C16orf78: variants seen among roughly 807,000 people sequenced by gnomAD.
The protein encoded by C16orf78 is chromosome 16 open reading frame 78, also known as uncharacterized protein C16orf78.
A neutral mutation model predicts 27.3 loss-of-function variants in C16orf78; 19 were observed. The observed-to-expected ratio is 0.70, with a 90% CI of 0.49 to 1.02. C16orf78 has a LOEUF of 1.02. Among genes scored for constraint, C16orf78 ranks in the 50% least tolerant of loss-of-function variants. C16orf78 has a pLI of 0.00. For missense variants in C16orf78, 339 were observed against 337.0 expected, an observed-to-expected ratio of 1.01 and a Z score of -0.05; for synonymous variants, 130 against 116.1, an observed-to-expected ratio of 1.12 and a Z score of -0.77.
chr16:49,375,650 T>C (rs1242833220), intron 1 of C16orf78, among the ~76,000 whole-genome samples: 3 of 152,140 alleles, frequency 2.0e-5, no homozygotes, highest in Non-Finnish European at 4.4e-5. Flanking sequence ...GACATGAGAT[T>C]TGGGGAGAGA....
At chr16:49,384,068 G>C (rs1596924113) in intron 3 of C16orf78, among the ~76,000 whole-genome samples, 1 of 152,070 alleles carries the variant, frequency 6.6e-6, no homozygotes, top group Non-Finnish European at 1.5e-5. Flanking sequence ...GCCAAAAAAG[G>C]CCAGGCACGG....
intron 2 of C16orf78, 142 bp from the exon 3 acceptor site, chr16:49,378,328 C>G: frequency 1.6e-6 from 2 of 1,276,092 alleles, no homozygotes; most frequent in Non-Finnish European, 2.1e-6. Flanking sequence ...CGACCTCTCC[C>G]AGGGCCCGGG....
chr16:49,385,364 G>A (rs1452808802), intron 3 of C16orf78, among the ~76,000 whole-genome samples: 2 of 152,126 alleles, frequency 1.3e-5, no homozygotes, highest in African/African-American at 4.8e-5. Context: ...GTTTAAAATA[G>A]AATGTTATAA....
chr16:49,389,161 G>A lies in C16orf78; in HGVS notation c.395-7262G>A, dbSNP rs111248981. Among the ~76,000 whole-genome samples, 1,464 of 152,154 alleles carry A rather than the reference G, an allele frequency of 9.6e-3. 10 individuals carry two copies. The highest frequency in any genetic ancestry group is 0.016 in the African/African-American group (646 of 41,504). The stretch of plus-strand genomic sequence containing the variant: ...GTTGCAGCCTGGTTCGGTGGCTCAC[G>A]CCTGTAATCCTAGCACTTTGGGAGA... On this transcript the variant is annotated intron_variant, in intron 3 of 4. Transcript: ENST00000299191.
Position 49,399,209 on chromosome 16 carries a change from C to T in C16orf78, c.729C>T (p.His243=), listed in dbSNP as rs200543250. ...ATGCAGGAATGAATGTGGATATCCACCCCCACATGGTCGAAGAGGACATAG... is the reference window on the plus strand; with the variant it reads ...ATGCAGGAATGAATGTGGATATCCATCCCCACATGGTCGAAGAGGACATAG... ...CKDAGMNVDI[H]PHMVEEDIDA... The change falls in exon 5 of 5, where the codon CAC becomes CAT. Residue 243 remains histidine, a synonymous_variant. Coordinates refer to ENST00000299191, the MANE Select transcript of C16orf78 (RefSeq NM_144602.4). The T allele has an allele frequency of 6.2e-7, 1 of 1,614,104 alleles. No individual in the cohort carries two copies. The highest frequency in any genetic ancestry group is 1.1e-5 in the South Asian group (1 of 91,084).
intron 3 of C16orf78, among the ~76,000 whole-genome samples, chr16:49,384,922 A>G (rs79738108): frequency 0.012 from 1,853 of 152,298 alleles, 47 homozygotes; most frequent in African/African-American, 0.043. Flanking sequence ...ACAACTGCCA[A>G]CCAAGGATAT....
In C16orf78 at chr16:49,378,546, T is replaced by A; in HGVS notation, c.347T>A (p.Leu116His). 6.2e-7 allele frequency: 1 copy of A among 1,613,624 alleles called. No individual in the cohort carries two copies. The highest frequency in any genetic ancestry group is 8.5e-7 in the Non-Finnish European group (1 of 1,179,824). ...GGAGTGGAGCAAAAGGGGAAACACC[T>A]CAGCATGGTCCCTGGCAGCTACATC... ...LYGVEQKGKH[L>H]SMVPGSYIKD... Residue 116 changes from leucine (L) to histidine (H), a missense_variant, in exon 3 of 5, where the codon CTC (leucine) becomes CAC (histidine). Leu to His is a moderately conservative substitution (Grantham distance 99). Coordinates refer to ENST00000299191, the MANE Select transcript of C16orf78 (RefSeq NM_144602.4).
At chr16:49,377,372 C>A (rs1567389599) in intron 1 of C16orf78, among the ~76,000 whole-genome samples, 2 of 152,206 alleles carry the variant, frequency 1.3e-5, no homozygotes, top group East Asian at 3.9e-4. Flanking sequence ...TGACTCCACA[C>A]TGGAGGCAGG....
intron 3 of C16orf78, among the ~76,000 whole-genome samples, chr16:49,393,743 C>T (rs1381708250): frequency 3.3e-5 from 5 of 151,880 alleles, no homozygotes; most frequent in African/African-American, 1.2e-4. Flanking sequence ...TAAATACTGG[C>T]TGGGATTAAT....
At chr16:49,386,646 T>C (rs2151613535) in intron 3 of C16orf78, among the ~76,000 whole-genome samples, 1 of 152,306 alleles carries the variant, frequency 6.6e-6, no homozygotes, top group African/African-American at 2.4e-5. Flanking sequence ...CCCCTCTATG[T>C]GGCCATGTGT....
chr16:49,393,452 C>T (rs1965437983), intron 3 of C16orf78, among the ~76,000 whole-genome samples: 1 of 152,176 alleles, frequency 6.6e-6, no homozygotes, highest in South Asian at 2.1e-4. Context: ...CCTACATCAC[C>T]CTAAACCAAC....
intron 3 of C16orf78, among the ~76,000 whole-genome samples, chr16:49,380,577 A>G (rs1965274456): frequency 6.6e-6 from 1 of 152,168 alleles, no homozygotes; most frequent in South Asian, 2.1e-4. Flanking sequence ...CATTGTGTGT[A>G]AATACATTCT....
At chr16:49,377,090 C>T (rs1167217406) in intron 1 of C16orf78, among the ~76,000 whole-genome samples, 1 of 152,214 alleles carries the variant, frequency 6.6e-6, no homozygotes, top group African/African-American at 2.4e-5. Context: ...TCCCTAATGA[C>T]CCTGCCCTCC....
chr16:49,394,436 A>G (rs1965447505), intron 3 of C16orf78, among the ~76,000 whole-genome samples: 1 of 151,934 alleles, frequency 6.6e-6, no homozygotes, highest in African/African-American at 2.4e-5. Context: ...AATTTATTAC[A>G]TCAACATATT....
chr16:49,396,468 C>A lies in C16orf78; in HGVS notation c.440C>A (p.Pro147Gln), dbSNP rs1295060187. ...DAVDPESTQRPNPFRRQSIVL... is the reference protein window; with the variant it reads ...DAVDPESTQRQNPFRRQSIVL... ...GTCGACCCAGAGTCCACTCAGCGGCCAAACCCATTCCGTCGACAAAGCATT... is the reference window on the plus strand; with the variant it reads ...GTCGACCCAGAGTCCACTCAGCGGCAAAACCCATTCCGTCGACAAAGCATT... The change falls in exon 4 of 5, where the codon CCA becomes CAA. Residue 147 changes from proline to glutamine, a missense_variant. Physicochemically the swap from Pro to Gln is moderately conservative, Grantham distance 76. Transcript: ENST00000299191. 2 of 1,614,036 alleles carry A rather than the reference C, an allele frequency of 1.2e-6. No homozygotes were observed. Among genetic ancestry groups the A allele is most frequent in the Admixed American group, 3.3e-5 (2 of 60,008 alleles).
At chr16:49,378,970 C>T (rs1335628141) in intron 3 of C16orf78, among the ~76,000 whole-genome samples, 2 of 152,174 alleles carry the variant, frequency 1.3e-5, no homozygotes, top group Non-Finnish European at 2.9e-5. Context: ...GGTACCACTC[C>T]TGCTGGCCTG....
intron 3 of C16orf78, among the ~76,000 whole-genome samples, chr16:49,382,971 A>C (rs542341453): frequency 5.6e-4 from 86 of 152,336 alleles, no homozygotes; most frequent in South Asian, 1.0e-3. Flanking sequence ...TTAAATAATT[A>C]TTTACATCTC....
intron 1 of C16orf78, among the ~76,000 whole-genome samples, chr16:49,376,413 T>C (rs1420469048): frequency 6.6e-6 from 1 of 152,158 alleles, no homozygotes; most frequent in Non-Finnish European, 1.5e-5. Flanking sequence ...GGGGAGCTAC[T>C]CAGGTGACTC....
intron 3 of C16orf78, among the ~76,000 whole-genome samples, chr16:49,387,239 GTA>G (rs1418129032): frequency 1.1e-4 from 17 of 152,198 alleles, no homozygotes; most frequent in Non-Finnish European, 5.9e-5. Flanking sequence ...TTGGCTGCAT[GTA>G]TGTATGTCTT....
Sources: gnomAD v4.1 joint callset for allele counts (sites outside exome capture counted in the v4.1 genomes callset) on GRCh38, gnomAD v4.1.1 for gene constraint, MANE v1.5 for transcripts, NCBI Gene and HGNC (gene_info 2026-07-23, HGNC 2026-07-21) for gene names.